Variants in MAGI1 observed in about 807,000 individuals in gnomAD.
MAGI1 encodes the protein membrane-associated guanylate kinase, WW and PDZ domain-containing protein 1.
In MAGI1, 58 loss-of-function variants were observed where a neutral mutation model predicts 139.9. That is an observed-to-expected ratio of 0.41 (90% CI 0.34 to 0.52). MAGI1 has a LOEUF of 0.52. Ranked by LOEUF, MAGI1 falls within the 20% of genes least tolerant of loss-of-function variation. The pLI, the probability that MAGI1 is intolerant of heterozygous loss-of-function variation, is 0.12. For missense variants in MAGI1, 1,874 were observed against 1,901.6 expected (o/e 0.99, Z 0.27); for synonymous variants, 812 against 737.9 (o/e 1.10, Z -1.63).
chr3:65,465,301 T>C (rs1232608869), intron 5 of MAGI1, among the ~76,000 whole-genome samples: 2 of 151,154 alleles, frequency 1.3e-5, no homozygotes, highest in Non-Finnish European at 2.9e-5. Flanking sequence ...AGTTTTACTT[T>C]CTCCATTCTT....
At chr3:65,692,465 A>G (rs1441947717) in intron 1 of MAGI1, among the ~76,000 whole-genome samples, 2 of 152,164 alleles carry the variant, frequency 1.3e-5, no homozygotes, top group Non-Finnish European at 2.9e-5. Context: ...GTCCCTCACA[A>G]AAAGCCTACA....
At chr3:65,663,558 G>A (rs562657546) in intron 1 of MAGI1, among the ~76,000 whole-genome samples, 22 of 152,260 alleles carry the variant, frequency 1.4e-4, no homozygotes, top group Non-Finnish European at 2.6e-4. Context: ...CAAACTAAAG[G>A]GCTTTGTGTC....
chr3:65,812,788 G>A (rs996821648), intron 1 of MAGI1, among the ~76,000 whole-genome samples: 4 of 123,064 alleles, frequency 3.3e-5, no homozygotes, highest in African/African-American at 9.4e-5. Flanking sequence ...TCAGCTCACC[G>A]CAACCTCCGC....
At chr3:65,950,192 ATTAAAG>A (rs144902505) in intron 1 of MAGI1, among the ~76,000 whole-genome samples, 3,684 of 147,960 alleles carry the variant, frequency 0.025, 146 homozygotes, top group African/African-American at 0.086. Context: ...CACATTCAGT[ATTAAAG>A]TTAAACAAGT....
intron 2 of MAGI1, among the ~76,000 whole-genome samples, chr3:65,620,867 T>C (rs564706185): frequency 1.3e-5 from 2 of 152,344 alleles, no homozygotes; most frequent in Non-Finnish European, 2.9e-5. Context: ...TATTCTAGAA[T>C]CTGATCTGTG....
chr3:65,372,636 T>C (rs368181223), intron 18 of MAGI1, among the ~76,000 whole-genome samples: 3 of 152,230 alleles, frequency 2.0e-5, no homozygotes, highest in African/African-American at 7.2e-5. Context: ...CTTCTTTCAA[T>C]AGAAGACTGT....
At chr3:65,693,341 G>C (rs1011931811) in intron 1 of MAGI1, among the ~76,000 whole-genome samples, 1 of 152,150 alleles carries the variant, frequency 6.6e-6, no homozygotes, top group African/African-American at 2.4e-5. Context: ...ACTTGAAAAG[G>C]TTGAAAACTT....
chr3:65,987,846 G>C (rs1387830063), intron 1 of MAGI1, among the ~76,000 whole-genome samples: 3 of 152,214 alleles, frequency 2.0e-5, no homozygotes, highest in Non-Finnish European at 4.4e-5. Context: ...TGAGATTACA[G>C]TCATGAGCCA....
intron 22 of MAGI1, among the ~76,000 whole-genome samples, chr3:65,358,631 A>G (rs757401442): frequency 6.6e-6 from 1 of 152,196 alleles, no homozygotes; most frequent in Non-Finnish European, 1.5e-5. Flanking sequence ...CTATGTGTCA[A>G]TAAAACTTTA....
intron 1 of MAGI1, among the ~76,000 whole-genome samples, chr3:65,783,534 C>T (rs1021259168): frequency 2.6e-5 from 4 of 152,094 alleles, no homozygotes; most frequent in Non-Finnish European, 5.9e-5. Flanking sequence ...TCTGTCACCA[C>T]CCAGGCTGGA....
Position 65,891,926 on chromosome 3 carries a change from A to C in MAGI1, c.313+146070T>G, listed in dbSNP as rs181795375. On this transcript the variant is annotated intron_variant, in intron 1 of 22. Coordinates refer to ENST00000402939, the MANE Select transcript of MAGI1 (RefSeq NM_001033057.2). ...TATATATATATATATATATATATAT[A>C]TATATATATATATATACCCGTGTTG... Among the ~76,000 whole-genome samples the C allele has an allele frequency of 6.1e-4, 63 of 102,652 alleles. 2 individuals are homozygous for C. In the East Asian group the frequency reaches 0.016, roughly 26 times the overall value. 67.3% of individuals were successfully genotyped at this position (102,652 alleles called of 152,430 possible). A position where few individuals can be genotyped will look rare whatever the true frequency, so the allele number is the denominator to read the frequency against.
At chr3:65,852,183 C>T (rs1273871339) in intron 1 of MAGI1, among the ~76,000 whole-genome samples, 1 of 152,062 alleles carries the variant, frequency 6.6e-6, no homozygotes, top group Non-Finnish European at 1.5e-5. Context: ...CCTTGGTGGC[C>T]CTATCATAAG....
chr3:65,715,712 C>T (rs1006913722), intron 1 of MAGI1, among the ~76,000 whole-genome samples: 1 of 152,118 alleles, frequency 6.6e-6, no homozygotes, highest in Non-Finnish European at 1.5e-5. Context: ...CAGGCACTCG[C>T]CATGCTGTGG....
chr3:65,713,298 C>G (rs142911616), intron 1 of MAGI1, among the ~76,000 whole-genome samples: 2 of 152,264 alleles, frequency 1.3e-5, no homozygotes, highest in Non-Finnish European at 2.9e-5. Context: ...GGAAGAAACT[C>G]AACATTCTTG....
intron 1 of MAGI1, among the ~76,000 whole-genome samples, chr3:65,999,222 C>T (rs569281485): frequency 2.1e-4 from 32 of 152,194 alleles, no homozygotes; most frequent in African/African-American, 6.3e-4. Context: ...TGCTCTCCTC[C>T]GCACAACCCC....
At chr3:65,381,800 A>G in intron 16 of MAGI1, 77 bp downstream of exon 16, 1 of 1,308,428 alleles carries the variant, frequency 7.6e-7, no homozygotes, top group Non-Finnish European at 1.0e-6. Flanking sequence ...ACGCTCAAGG[A>G]GGCAGACACA....
At chr3:65,900,757 A>G (rs1397210632) in intron 1 of MAGI1, among the ~76,000 whole-genome samples, 1 of 152,222 alleles carries the variant, frequency 6.6e-6, no homozygotes, top group Non-Finnish European at 1.5e-5. Flanking sequence ...TCATTTTCGC[A>G]TAGAACGCCA....
chr3:66,008,333 C>T (rs779332290), intron 1 of MAGI1, among the ~76,000 whole-genome samples: 3 of 152,192 alleles, frequency 2.0e-5, no homozygotes, highest in Non-Finnish European at 4.4e-5. Flanking sequence ...GCACAGTCAA[C>T]GTGTGAATTT....
At chr3:65,559,209 A>G (rs1369828006) in intron 2 of MAGI1, among the ~76,000 whole-genome samples, 1 of 152,206 alleles carries the variant, frequency 6.6e-6, no homozygotes, top group Non-Finnish European at 1.5e-5. Context: ...ATTAGCAGAA[A>G]TGTTATTTTC....
Sources: allele counts gnomAD v4.1 joint callset (sites outside exome capture counted in the v4.1 genomes callset), GRCh38; gene constraint gnomAD v4.1.1; transcripts MANE v1.5; gene names NCBI Gene and HGNC (gene_info 2026-07-23, HGNC 2026-07-21).